The following TBXAS1 variants were observed in gnomAD, a reference collection of about 807,000 sequenced individuals.
TBXAS1 encodes thromboxane A synthase 1, also known as thromboxane-A synthase.
TBXAS1 carries 48 observed loss-of-function variants against 60.7 expected under a neutral mutation model. The observed-to-expected ratio is 0.79, with a 90% CI of 0.63 to 1.01. TBXAS1 has a LOEUF of 1.01. Ranked by LOEUF, TBXAS1 falls within the 50% of genes least tolerant of loss-of-function variation. The pLI is 0.00. For missense variants in TBXAS1, 685 were observed against 686.3 expected (o/e 1.00, Z 0.02); for synonymous variants, 287 against 269.7 (o/e 1.06, Z -0.63).
At chr7:139,833,784 T>G (rs1798880384) in intron 1 of TBXAS1, among the ~76,000 whole-genome samples, 1 of 152,148 alleles carries the variant, frequency 6.6e-6, no homozygotes, top group Non-Finnish European at 1.5e-5. Context: ...TATATGCACC[T>G]AAAACTGGAG....
At chr7:139,871,357 A>G (rs1801813280) in intron 1 of TBXAS1, among the ~76,000 whole-genome samples, 1 of 152,186 alleles carries the variant, frequency 6.6e-6, no homozygotes, top group South Asian at 2.1e-4. Flanking sequence ...ATGCTAAACA[A>G]CCAGTTTGAC....
intron 9 of TBXAS1, among the ~76,000 whole-genome samples, chr7:139,977,255 G>A (rs1469601174): frequency 1.3e-5 from 2 of 152,158 alleles, no homozygotes; most frequent in Admixed American, 1.3e-4. Flanking sequence ...CACATGGCTG[G>A]GGAGGCCTGA....
chr7:139,868,980 T>C (rs545082588), intron 1 of TBXAS1, among the ~76,000 whole-genome samples: 21 of 152,054 alleles, frequency 1.4e-4, no homozygotes, highest in African/African-American at 3.9e-4. Context: ...TTACACTTTG[T>C]AGAGGTGAGG....
chr7:139,987,795 C>T (rs1348303346), intron 9 of TBXAS1, among the ~76,000 whole-genome samples: 1 of 152,144 alleles, frequency 6.6e-6, no homozygotes, highest in African/African-American at 2.4e-5. Flanking sequence ...TTATGGCTGC[C>T]CTATTTTTAA....
chr7:139,990,751 A>G (rs546252099), intron 9 of TBXAS1, among the ~76,000 whole-genome samples: 2 of 150,926 alleles, frequency 1.3e-5, no homozygotes, highest in South Asian at 4.2e-4. Context: ...ATGATTGTGA[A>G]CTTGACCTCT....
At chr7:140,018,828 C>T (rs2116482391) in intron 12 of TBXAS1, among the ~76,000 whole-genome samples, 1 of 152,320 alleles carries the variant, frequency 6.6e-6, no homozygotes, top group Non-Finnish European at 1.5e-5. Flanking sequence ...ATGACAGGTG[C>T]TCACTCATTC....
At chr7:139,891,098 C>T (rs1367798055) in intron 3 of TBXAS1, among the ~76,000 whole-genome samples, 2 of 152,066 alleles carry the variant, frequency 1.3e-5, no homozygotes, top group Non-Finnish European at 2.9e-5. Context: ...ATGCCTGTAC[C>T]TACTTCACCT....
At chr7:139,974,403 C>G (rs1346735297) in intron 9 of TBXAS1, among the ~76,000 whole-genome samples, 2 of 152,284 alleles carry the variant, frequency 1.3e-5, no homozygotes, top group East Asian at 3.9e-4. Flanking sequence ...CCGGGCCAAC[C>G]TGGACTTCTC....
chr7:140,012,181 C>T (rs1381416091), intron 10 of TBXAS1, among the ~76,000 whole-genome samples: 2 of 152,120 alleles, frequency 1.3e-5, no homozygotes, highest in African/African-American at 4.8e-5. Context: ...CTCCTCCCAA[C>T]CCCCGTGTTA....
chr7:139,804,563 T>C (rs1351307158), intron 4 of TBXAS1, among the ~76,000 whole-genome samples: 2 of 152,190 alleles, frequency 1.3e-5, no homozygotes, highest in African/African-American at 4.8e-5. Context: ...CAGAATTATA[T>C]GGTTTGGCTG....
At chr7:139,909,424 G>A (rs1805347518) in intron 3 of TBXAS1, among the ~76,000 whole-genome samples, 1 of 152,146 alleles carries the variant, frequency 6.6e-6, no homozygotes. Flanking sequence ...AAAAGAATTG[G>A]TTTATGGCCT....
At chr7:139,931,852 C>A (rs996109642) in intron 4 of TBXAS1, among the ~76,000 whole-genome samples, 7 of 151,572 alleles carry the variant, frequency 4.6e-5, no homozygotes, top group South Asian at 2.1e-4. Flanking sequence ...CAGTAAGTCT[C>A]ATCAATGAAT....
chr7:139,823,241 G>A (rs1246812587), intron 4 of TBXAS1, among the ~76,000 whole-genome samples: 3 of 151,946 alleles, frequency 2.0e-5, no homozygotes, highest in African/African-American at 2.4e-5. Flanking sequence ...TAAGACGGAC[G>A]GAACTTAGGT....
chr7:140,011,300 AC>A (rs1226112458), intron 10 of TBXAS1, among the ~76,000 whole-genome samples: 1,823 of 137,298 alleles, frequency 0.013, 19 homozygotes, highest in African/African-American at 0.027. Context: ...AAACAAACAA[AC>A]AAAAAAAACA....
chr7:139,816,191 T>C (rs1320672193), intron 4 of TBXAS1, among the ~76,000 whole-genome samples: 2 of 152,196 alleles, frequency 1.3e-5, no homozygotes, highest in Admixed American at 6.5e-5. Context: ...GTAAGTTTCC[T>C]GAGGCTACCC....
rs80267009 is a variant in TBXAS1, at chr7:139,797,680, G to T, written c.-80+10254G>T. 2.3e-4 allele frequency among the ~76,000 whole-genome samples: 35 copies of T among 152,270 alleles called. No homozygotes were observed. The East Asian group carries it at 6.0e-3, about 26-fold the overall frequency. On this transcript the variant is annotated intron_variant, in intron 4 of 16. Coordinates refer to the TBXAS1 transcript ENST00000336425. ...TCCTGTGTAGTCTTTAGGGTGAGGGGCTGGGAGTGGGATGGAGGAAAAGGT... is the reference window on the plus strand; with the variant it reads ...TCCTGTGTAGTCTTTAGGGTGAGGGTCTGGGAGTGGGATGGAGGAAAAGGT...
intron 5 of TBXAS1, among the ~76,000 whole-genome samples, chr7:139,945,993 G>A (rs1808680148): frequency 6.6e-6 from 1 of 152,100 alleles, no homozygotes; most frequent in African/African-American, 2.4e-5. Flanking sequence ...CAGTCAGTGG[G>A]GATCTACAAA....
intron 9 of TBXAS1, among the ~76,000 whole-genome samples, chr7:140,005,368 G>A (rs140013626): frequency 2.0e-5 from 3 of 152,216 alleles, no homozygotes; most frequent in African/African-American, 7.2e-5. Context: ...GGTGGAGGAT[G>A]CAGTGAGCCG....
At chr7:139,872,888 C>T (rs1345853515) in intron 2 of TBXAS1, among the ~76,000 whole-genome samples, 3 of 152,162 alleles carry the variant, frequency 2.0e-5, no homozygotes, top group Non-Finnish European at 4.4e-5. Context: ...CCATTTCCCC[C>T]AAACCCCATA....
Sources: allele counts gnomAD v4.1 joint callset (sites outside exome capture counted in the v4.1 genomes callset), GRCh38; gene constraint gnomAD v4.1.1; transcripts MANE v1.5; gene names NCBI Gene and HGNC (gene_info 2026-07-23, HGNC 2026-07-21).